Variants in PCDHGA3 observed in about 807,000 individuals in gnomAD.
PCDHGA3 encodes the protein protocadherin gamma subfamily A, 3.
In PCDHGA3, 40 loss-of-function variants were observed where a neutral mutation model predicts 58.5. The ratio of observed to expected loss-of-function variants is 0.68; its 90% CI spans 0.53 to 0.89. The LOEUF (loss-of-function observed/expected upper bound fraction) is 0.89. Among genes scored for constraint, PCDHGA3 ranks in the 40% least tolerant of loss-of-function variants. The pLI is 0.00. For missense variants in PCDHGA3, 1,223 were observed against 1,195.9 expected (o/e 1.02, Z -0.33); for synonymous variants, 530 against 525.7 (o/e 1.01, Z -0.11).
In PCDHGA3 at chr5:141,345,648, A is replaced by G. The variant is rs762235599; in HGVS notation, c.1615A>G (p.Asn539Asp). Residue 539 changes from asparagine (N) to aspartate (D), a missense_variant, in exon 1 of 4, where the codon AAC (asparagine) becomes GAC (aspartate). Asn to Asp is a conservative substitution (Grantham distance 23). Coordinates refer to ENST00000253812, the MANE Select transcript of PCDHGA3 (RefSeq NM_018916.4). Reference sequence around the variant, plus strand: ...ACTGGTGACAGCCAGCGACAGCGGGAACCCTCCACTCAGCAGCAACGTGTC... The same window carrying G: ...ACTGGTGACAGCCAGCGACAGCGGGGACCCTCCACTCAGCAGCAACGTGTC... Reference protein sequence around the residue: ...KLLVTASDSGNPPLSSNVSLN... With the variant: ...KLLVTASDSGDPPLSSNVSLN... 1 of 1,614,204 alleles carries G rather than the reference A, an allele frequency of 6.2e-7. No homozygotes were observed.
intron 2 of PCDHGA3, among the ~76,000 whole-genome samples, chr5:141,504,369 A>G (rs968327872): frequency 6.6e-5 from 10 of 152,272 alleles, no homozygotes; most frequent in Non-Finnish European, 1.2e-4. Context: ...AGTAGGAAGC[A>G]GGTGGAGTCG....
chr5:141,433,142 G>A, intron 1 of PCDHGA3: 2 of 1,614,108 alleles, frequency 1.2e-6, no homozygotes, highest in African/African-American at 1.3e-5. Flanking sequence ...TTTGCTGTCA[G>A]GTGATTCGGT....
intron 1 of PCDHGA3, chr5:141,392,800 G>T (rs1394780689): frequency 6.4e-7 from 1 of 1,570,722 alleles, no homozygotes; most frequent in African/African-American, 1.4e-5. Context: ...AGAGGATTCT[G>T]CAGCAAAACA....
At chr5:141,414,834 C>T in intron 1 of PCDHGA3, 1 of 1,614,252 alleles carries the variant, frequency 6.2e-7, no homozygotes, top group South Asian at 1.1e-5. Context: ...TGTCGTTGAG[C>T]CTGTTTGTGC....
chr5:141,383,714 G>C, intron 1 of PCDHGA3: 1 of 1,613,972 alleles, frequency 6.2e-7, no homozygotes, highest in Non-Finnish European at 8.5e-7. Flanking sequence ...CTGGACGAGG[G>C]AGTCAATGGG....
chr5:141,437,756 T>A (rs1208576922), intron 1 of PCDHGA3, among the ~76,000 whole-genome samples: 1 of 151,718 alleles, frequency 6.6e-6, no homozygotes, highest in Non-Finnish European at 1.5e-5. Flanking sequence ...TTTTTTTTTT[T>A]GAGACAGAGT....
Position 141,491,456 on chromosome 5 carries a change from C to A in PCDHGA3, c.2425-3351C>A. ...TGCAGGCGCCAGGACTCACCCTCCC[C>A]GGACTTCTATAAGCAGTCCAGCCCC... On this transcript the variant is annotated intron_variant, in intron 1 of 3. Coordinates refer to ENST00000253812, the MANE Select transcript of PCDHGA3 (RefSeq NM_018916.4). The surrounding 1 kb of genome is among the most constrained non-coding windows in gnomAD (Gnocchi z 6.9). 1.2e-6 allele frequency: 2 copies of A among 1,614,104 alleles called. No homozygotes were observed.
chr5:141,489,069 C>G lies in PCDHGA3; in HGVS notation c.2425-5738C>G. ...TCAAATTCAGCTCCCCTCCCCCCTGCCCACCCCCGCCACTCGGTGACTAAG... is the reference window on the plus strand; with the variant it reads ...TCAAATTCAGCTCCCCTCCCCCCTGGCCACCCCCGCCACTCGGTGACTAAG... On this transcript the variant is annotated intron_variant, in intron 1 of 3. Coordinates refer to ENST00000253812, the MANE Select transcript of PCDHGA3 (RefSeq NM_018916.4). The surrounding 1 kb of genome is among the most constrained non-coding windows in gnomAD (Gnocchi z 4.5). 6.4e-5 allele frequency: 18 copies of G among 281,056 alleles called. No homozygotes were observed. Among genetic ancestry groups the G allele is most frequent in the Middle Eastern group, 1.1e-3 (1 of 944 alleles). 17.4% of individuals were successfully genotyped at this position (281,056 alleles called of 1,614,324 possible).
At chr5:141,427,879 C>T in intron 1 of PCDHGA3, 1 of 1,562,380 alleles carries the variant, frequency 6.4e-7, no homozygotes. Context: ...ACGATGCAGG[C>T]CCACGACCAG....
In PCDHGA3 at chr5:141,432,545, A is replaced by G; in HGVS notation, c.2425-62262A>G. Reference sequence around the variant, plus strand: ...GGTGACCAAGGTGGTGGCGGTGGACAGAGACTCCGGCCAGAACGCCTGGCT... The same window carrying G: ...GGTGACCAAGGTGGTGGCGGTGGACGGAGACTCCGGCCAGAACGCCTGGCT... On this transcript the variant is annotated intron_variant, in intron 1 of 3. Coordinates refer to ENST00000253812, the MANE Select transcript of PCDHGA3 (RefSeq NM_018916.4). This position sits in a 1 kb window ranked among gnomAD's most constrained non-coding sequence, Gnocchi z 6.0. The G allele has an allele frequency of 1.2e-6, 2 of 1,613,876 alleles. No homozygotes were observed. Among genetic ancestry groups the G allele is most frequent in the Non-Finnish European group, 1.7e-6 (2 of 1,179,984 alleles).
chr5:141,422,670 C>T, intron 1 of PCDHGA3: 1 of 1,607,244 alleles, frequency 6.2e-7, no homozygotes, highest in Non-Finnish European at 8.5e-7. Flanking sequence ...TCGACCCGGA[C>T]AGCAAACAGA....
chr5:141,504,474 G>A (rs903417314), intron 2 of PCDHGA3, among the ~76,000 whole-genome samples: 1 of 152,066 alleles, frequency 6.6e-6, no homozygotes, highest in African/African-American at 2.4e-5. Context: ...TGGGATGGGA[G>A]TACAGTGGAG....
At chr5:141,461,507 T>C (rs1271911872) in intron 1 of PCDHGA3, among the ~76,000 whole-genome samples, 1 of 152,316 alleles carries the variant, frequency 6.6e-6, no homozygotes, top group East Asian at 1.9e-4. Context: ...TTCTTGGTGA[T>C]TTGTTAGTTC....
intron 1 of PCDHGA3, chr5:141,350,707 C>T: frequency 1.2e-6 from 2 of 1,613,992 alleles, no homozygotes; most frequent in Non-Finnish European, 1.7e-6. Flanking sequence ...GGGTAAAATT[C>T]TCTCTGGATT....
At chr5:141,365,068 G>C in intron 1 of PCDHGA3, 1 of 1,613,812 alleles carries the variant, frequency 6.2e-7, no homozygotes, top group South Asian at 1.1e-5. Flanking sequence ...CCCCATCCGA[G>C]TACAGCGTGA....
intron 1 of PCDHGA3, among the ~76,000 whole-genome samples, chr5:141,466,570 T>C (rs967163331): frequency 6.6e-6 from 1 of 152,202 alleles, no homozygotes; most frequent in East Asian, 1.9e-4. Flanking sequence ...TCTTCAACAT[T>C]GTCTCATCCC....
rs762455729 is a variant in PCDHGA3, at chr5:141,344,232, G to C, written c.199G>C (p.Val67Leu). ...GCTGGCGGAGCGCGGAGTCCGCATC[G>C]TCTCCAGAGGTAGGACGCAGCTTTT... Reference protein sequence around the residue: ...RELAERGVRIVSRGRTQLFSL... With the variant: ...RELAERGVRILSRGRTQLFSL... Residue 67 changes from valine to leucine, a missense_variant, in exon 1 of 4, where the codon GTC (valine) becomes CTC (leucine). Val to Leu is a conservative substitution (Grantham distance 32). Coordinates refer to ENST00000253812, the MANE Select transcript of PCDHGA3 (RefSeq NM_018916.4). 2 of 1,614,044 alleles carry C rather than the reference G, an allele frequency of 1.2e-6. No individual in the cohort carries two copies. The highest frequency in any genetic ancestry group is 1.1e-5 in the South Asian group (1 of 91,084).
intron 1 of PCDHGA3, chr5:141,366,845 A>G: frequency 6.8e-7 from 1 of 1,477,098 alleles, no homozygotes; most frequent in Non-Finnish European, 9.1e-7. Flanking sequence ...AGTTATGTAA[A>G]TAGTGGAACA....
Position 141,350,885 on chromosome 5 carries a change from C to T in PCDHGA3, c.2424+4428C>T, listed in dbSNP as rs758050449. 6 of 1,614,082 alleles carry T rather than the reference C, an allele frequency of 3.7e-6. No homozygotes were observed. In the Admixed American group the frequency reaches 6.7e-5, roughly 18 times the overall value. Reference sequence around the variant, plus strand: ...ACATCAGAGCTCTCATCGCTTAATCCTGACTGCCATGGATGGCGGGGACCC... The same window carrying T: ...ACATCAGAGCTCTCATCGCTTAATCTTGACTGCCATGGATGGCGGGGACCC... On this transcript the variant is annotated intron_variant, in intron 1 of 3. Coordinates refer to ENST00000253812, the MANE Select transcript of PCDHGA3 (RefSeq NM_018916.4).
Sources: allele counts gnomAD v4.1 joint callset (sites outside exome capture counted in the v4.1 genomes callset), GRCh38; gene constraint gnomAD v4.1.1; non-coding constraint Gnocchi (gnomAD v3.1); transcripts MANE v1.5; gene names NCBI Gene and HGNC (gene_info 2026-07-23, HGNC 2026-07-21).